USP53: variants seen among roughly 807,000 people sequenced by gnomAD.
USP53 encodes the protein ubiquitin specific peptidase 53, also known as ubiquitin carboxyl-terminal hydrolase 53.
USP53 carries 71 observed loss-of-function variants against 94.9 expected under a neutral mutation model. That is an observed-to-expected ratio of 0.75 (90% CI 0.62 to 0.91). USP53 has a LOEUF of 0.91. Ranked by LOEUF, USP53 falls within the 40% of genes least tolerant of loss-of-function variation. The pLI, the probability that USP53 is intolerant of heterozygous loss-of-function variation, is 0.00. For synonymous variants in USP53, 375 were observed against 422.7 expected, an observed-to-expected ratio of 0.89 and a Z score of 1.39; for missense variants, 1,173 against 1,281.0, an observed-to-expected ratio of 0.92 and a Z score of 1.29.
At chr4:119,284,089 C>T (rs1003685827) in intron 17 of USP53, among the ~76,000 whole-genome samples, 7 of 151,688 alleles carry the variant, frequency 4.6e-5, no homozygotes, top group African/African-American at 1.5e-4. Context: ...AAAGGAAAAA[C>T]AGAGAAGTGT....
rs1303953370 is a variant in USP53 at position 119,295,287 on chromosome 4, AGATT to A, written c.*2080_*2083del. ...TTTGTTGATTCAACACTCCAGATAC[AGATT>A]GATACATATATACTAATCATTTTAT... is the stretch of plus-strand genomic sequence containing the variant. On this transcript the variant is annotated 3_prime_UTR_variant, in exon 19 of 19. Transcript: ENST00000692078. 1 of 152,124 alleles carries A rather than the reference AGATT, an allele frequency of 6.6e-6. No homozygotes were observed. Among genetic ancestry groups the A allele is most frequent in the Non-Finnish European group, 1.5e-5 (1 of 68,012 alleles). 9.4% of individuals were successfully genotyped at this position (152,124 alleles called of 1,614,324 possible).
chr4:119,254,103 G>A (rs1026660987), intron 7 of USP53, among the ~76,000 whole-genome samples: 10 of 152,164 alleles, frequency 6.6e-5, no homozygotes, highest in Admixed American at 5.9e-4. Flanking sequence ...AGTCTGATGG[G>A]CTTCTCTTTG....
At chr4:119,214,980 G>A (rs10033031) in intron 2 of USP53, among the ~76,000 whole-genome samples, 52,889 of 151,932 alleles carry the variant, frequency 0.35, 9,349 homozygotes, top group African/African-American at 0.39. Context: ...AAAGATGTTT[G>A]GTTACTAAAA....
chr4:119,279,385 T>TG (rs1366374839), intron 17 of USP53, among the ~76,000 whole-genome samples: 11 of 149,884 alleles, frequency 7.3e-5, no homozygotes, highest in Admixed American at 2.0e-4. Context: ...GTGCCCCTGC[T>TG]GGGGGGTGCC....
Position 119,271,582 on chromosome 4 carries a change from T to C in USP53, c.1722T>C (p.Asp574=), listed in dbSNP as rs1026492089. 1.9e-6 allele frequency: 3 copies of C among 1,613,738 alleles called. No individual in the cohort carries two copies. The highest frequency in any genetic ancestry group is 2.5e-6 in the Non-Finnish European group (3 of 1,180,024). ...CTAGGGATAGAGGAAACAGCTGTGA[T>C]AGCAGCAGTAAAAGCCGGAACCGAG... is the stretch of plus-strand genomic sequence containing the variant. ...QDSRDRGNSC[D]SSSKSRNRGW... The change falls in exon 16 of 19, where the codon GAT becomes GAC. Residue 574 remains aspartate, a synonymous_variant. Coordinates refer to ENST00000692078, the MANE Select transcript of USP53 (RefSeq NM_001371395.1).
At chr4:119,241,535 A>G (rs1747536704) in intron 5 of USP53, among the ~76,000 whole-genome samples, 1 of 7,024 alleles carries the variant, frequency 1.4e-4, no homozygotes, top group Non-Finnish European at 2.6e-4. Flanking sequence ...TACTTTAAAG[A>G]TTTTGCTTCT....
chr4:119,289,657 A>C (rs1042188875), intron 17 of USP53, among the ~76,000 whole-genome samples: 2 of 152,224 alleles, frequency 1.3e-5, no homozygotes, highest in Non-Finnish European at 2.9e-5. Flanking sequence ...AAAGTAATTA[A>C]AGATACTTTT....
chr4:119,267,538 A>T, intron 13 of USP53, 56 bp downstream of exon 13: 1 of 1,528,560 alleles, frequency 6.5e-7, no homozygotes, highest in Non-Finnish European at 8.9e-7. Flanking sequence ...GTCAACTAGG[A>T]ATACTAGTAC....
intron 17 of USP53, among the ~76,000 whole-genome samples, chr4:119,276,470 G>A (rs893418215): frequency 1.3e-5 from 2 of 151,742 alleles, no homozygotes; most frequent in Non-Finnish European, 2.9e-5. Context: ...TGGTGGATAA[G>A]CTTTTTGATG....
intron 7 of USP53, among the ~76,000 whole-genome samples, chr4:119,251,642 T>G (rs542475525): frequency 3.8e-4 from 58 of 152,338 alleles, no homozygotes; most frequent in African/African-American, 1.4e-3. Flanking sequence ...CAATTTGACT[T>G]CGTCTCTTCC....
At chr4:119,288,008 A>G (rs1352744226) in intron 17 of USP53, among the ~76,000 whole-genome samples, 1 of 152,204 alleles carries the variant, frequency 6.6e-6, no homozygotes, top group African/African-American at 2.4e-5. Flanking sequence ...TTAAAAGACA[A>G]CTATTACCAA....
intron 12 of USP53, among the ~76,000 whole-genome samples, chr4:119,265,351 TAAC>T (rs1421977139): frequency 1.3e-5 from 2 of 152,262 alleles, no homozygotes; most frequent in African/African-American, 4.8e-5. Context: ...AGTTGATGTG[TAAC>T]AACATTTGCA....
At chr4:119,236,437 T>C (rs1214544640) in intron 4 of USP53, among the ~76,000 whole-genome samples, 2 of 152,196 alleles carry the variant, frequency 1.3e-5, no homozygotes, top group East Asian at 1.9e-4. Flanking sequence ...ACAATGAAGT[T>C]TGCCACATTG....
chr4:119,247,856 C>G (rs1201450852), intron 6 of USP53, among the ~76,000 whole-genome samples: 1 of 152,038 alleles, frequency 6.6e-6, no homozygotes, highest in Non-Finnish European at 1.5e-5. Flanking sequence ...AATTATAGTT[C>G]TGGGTATCTA....
intron 16 of USP53, chr4:119,272,307 A>G (rs1261383427): frequency 2.6e-5 from 7 of 268,380 alleles, no homozygotes; most frequent in African/African-American, 1.6e-4. Flanking sequence ...AAATTTGGAA[A>G]GTACAGAAGT....
chr4:119,218,446 A>T (rs1374948875), intron 3 of USP53: 1 of 152,260 alleles, frequency 6.6e-6, no homozygotes, highest in Non-Finnish European at 1.5e-5. Context: ...AGGTAAAAGC[A>T]ACATGAAATA....
At chr4:119,231,648 G>A (rs1354308943) in intron 3 of USP53, among the ~76,000 whole-genome samples, 1 of 152,140 alleles carries the variant, frequency 6.6e-6, no homozygotes, top group Non-Finnish European at 1.5e-5. Context: ...ATAGTTGTAT[G>A]CATTGCTGTG....
chr4:119,272,821 AGC>A (rs1752047460), intron 16 of USP53: 1 of 152,208 alleles, frequency 6.6e-6, no homozygotes, highest in Non-Finnish European at 1.5e-5. Flanking sequence ...TTTTCCCTTT[AGC>A]AAATATAAAA....
chr4:119,244,194 TACTC>T (rs931345226), intron 5 of USP53, among the ~76,000 whole-genome samples: 8 of 152,206 alleles, frequency 5.3e-5, no homozygotes, highest in African/African-American at 1.2e-4. Context: ...TAGGATATGA[TACTC>T]AAGAAAGTTA....
Sources: gnomAD v4.1 joint callset for allele counts (sites outside exome capture counted in the v4.1 genomes callset) on GRCh38, gnomAD v4.1.1 for gene constraint, MANE v1.5 for transcripts, NCBI Gene and HGNC (gene_info 2026-07-23, HGNC 2026-07-21) for gene names.